TMEM132D: variants seen among roughly 807,000 people sequenced by gnomAD.
TMEM132D encodes the protein mature OL transmembrane protein.
In TMEM132D, 21 loss-of-function variants were observed where a neutral mutation model predicts 62.3. The observed-to-expected ratio is 0.34, with a 90% CI of 0.24 to 0.49. TMEM132D has a LOEUF of 0.49. TMEM132D is among the 20% of genes least tolerant of loss of function. The pLI is 0.99. For missense variants in TMEM132D, 1,346 were observed against 1,402.8 expected, an observed-to-expected ratio of 0.96 and a Z score of 0.65; for synonymous variants, 621 against 575.6, an observed-to-expected ratio of 1.08 and a Z score of -1.13.
intron 3 of TMEM132D, among the ~76,000 whole-genome samples, chr12:129,375,751 A>G (rs1487058073): frequency 6.6e-6 from 1 of 152,164 alleles, no homozygotes; most frequent in Non-Finnish European, 1.5e-5. Flanking sequence ...TATTGATTTC[A>G]TTGGTCTGAG....
At chr12:129,254,955 G>T (rs1376967230) in intron 4 of TMEM132D, among the ~76,000 whole-genome samples, 2 of 152,170 alleles carry the variant, frequency 1.3e-5, no homozygotes, top group Admixed American at 6.5e-5. Context: ...GTAGAGCCTG[G>T]TGGGAGGTGA....
chr12:129,636,808 C>A (rs753673441), intron 2 of TMEM132D, among the ~76,000 whole-genome samples: 1 of 149,284 alleles, frequency 6.7e-6, no homozygotes, highest in Non-Finnish European at 1.5e-5. Flanking sequence ...CTGGTATGAA[C>A]CTGACTGGTA....
rs370315231 is a variant in TMEM132D, at chr12:129,725,172, C to T, written c.80-24474G>A. Among the ~76,000 whole-genome samples, 4 of 152,262 alleles carry T rather than the reference C, an allele frequency of 2.6e-5. No homozygotes were observed. In the East Asian group the frequency reaches 5.8e-4, roughly 22 times the overall value. ...TTAGATATGCATCATTGGCAAGAGA[C>T]GTGGCTTTTCATTTACTGTGGTGTA... On this transcript the variant is annotated intron_variant, in intron 1 of 8. Coordinates refer to ENST00000422113, the MANE Select transcript of TMEM132D (RefSeq NM_133448.3).
intron 5 of TMEM132D, among the ~76,000 whole-genome samples, chr12:129,166,666 C>T (rs534086062): frequency 1.3e-4 from 19 of 148,058 alleles, no homozygotes; most frequent in Non-Finnish European, 2.4e-4. Context: ...CCTGGGACTA[C>T]GCAAGGACAT....
intron 4 of TMEM132D, among the ~76,000 whole-genome samples, chr12:129,316,622 G>A (rs532051630): frequency 2.2e-4 from 33 of 152,150 alleles, no homozygotes; most frequent in African/African-American, 7.0e-4. Context: ...TGTTTTCTGC[G>A]GTTGTTGGGT....
chr12:129,863,714 A>C (rs1410436939), intron 1 of TMEM132D, among the ~76,000 whole-genome samples: 3 of 152,296 alleles, frequency 2.0e-5, no homozygotes, highest in African/African-American at 7.2e-5. Flanking sequence ...GTGTAGTCTT[A>C]TATCCCCACG....
At chr12:129,127,728 C>T (rs1308337392) in intron 5 of TMEM132D, among the ~76,000 whole-genome samples, 1 of 152,070 alleles carries the variant, frequency 6.6e-6, no homozygotes, top group African/African-American at 2.4e-5. Context: ...TAGATTGCAG[C>T]ACCTAAGTTT....
chr12:129,548,261 G>A (rs1429946872), intron 2 of TMEM132D, among the ~76,000 whole-genome samples: 2 of 152,130 alleles, frequency 1.3e-5, no homozygotes, highest in East Asian at 1.9e-4. Context: ...TCCTTCACTC[G>A]GTGCTGGAGG....
At chr12:129,161,770 A>G (rs151004565) in intron 5 of TMEM132D, among the ~76,000 whole-genome samples, 137 of 152,294 alleles carry the variant, frequency 9.0e-4, no homozygotes, top group African/African-American at 3.2e-3. Flanking sequence ...TTCTGAAAAT[A>G]TAGTGTGGGC....
chr12:129,851,055 C>T (rs541140139), intron 1 of TMEM132D, among the ~76,000 whole-genome samples: 39 of 152,216 alleles, frequency 2.6e-4, no homozygotes, highest in Middle Eastern at 3.4e-3. Flanking sequence ...AAAAAGGGAA[C>T]GACATCTCAA....
intron 5 of TMEM132D, among the ~76,000 whole-genome samples, chr12:129,098,482 T>C (rs1056065043): frequency 2.0e-5 from 3 of 152,204 alleles, no homozygotes; most frequent in East Asian, 1.9e-4. Flanking sequence ...TGCCTTTTTT[T>C]CTAGGGTCTC....
intron 3 of TMEM132D, among the ~76,000 whole-genome samples, chr12:129,353,276 C>T (rs1938339225): frequency 6.6e-6 from 1 of 152,034 alleles, no homozygotes; most frequent in African/African-American, 2.4e-5. Flanking sequence ...GTGGAATGCA[C>T]TAAGTCTACT....
At chr12:129,595,237 G>C (rs1043236748) in intron 2 of TMEM132D, among the ~76,000 whole-genome samples, 2 of 152,158 alleles carry the variant, frequency 1.3e-5, no homozygotes, top group African/African-American at 4.8e-5. Context: ...AGTTCCTCAG[G>C]GTAGATTTAT....
intron 1 of TMEM132D, among the ~76,000 whole-genome samples, chr12:129,738,726 G>A (rs1186486844): frequency 1.3e-5 from 2 of 152,092 alleles, no homozygotes; most frequent in East Asian, 1.9e-4. Flanking sequence ...AACAAAAGGC[G>A]GCCCAGGACA....
At chr12:129,196,465 G>T (rs569854978) in intron 5 of TMEM132D, among the ~76,000 whole-genome samples, 22 of 152,234 alleles carry the variant, frequency 1.4e-4, no homozygotes, top group African/African-American at 5.1e-4. Flanking sequence ...GGGTAGCATG[G>T]GGAGGTCATG....
chr12:129,532,042 T>C (rs1876241656), intron 2 of TMEM132D, among the ~76,000 whole-genome samples: 1 of 152,022 alleles, frequency 6.6e-6, no homozygotes, highest in Non-Finnish European at 1.5e-5. Context: ...GGTGACAAAG[T>C]GAGATCCTGC....
intron 5 of TMEM132D, among the ~76,000 whole-genome samples, chr12:129,103,844 G>A (rs918736549): frequency 3.0e-4 from 45 of 152,074 alleles, no homozygotes; most frequent in Admixed American, 1.8e-3. Flanking sequence ...GGGAGGTGAA[G>A]GACCTCTTCA....
At position 129,363,564 on chromosome 12, in the gene TMEM132D, T is replaced by TA. The variant is rs146582943; in HGVS notation, c.1116-25748dup. Among the ~76,000 whole-genome samples the TA allele has an allele frequency of 2.7e-4, 41 of 152,084 alleles. No homozygotes were observed. In the South Asian group the frequency reaches 3.7e-3, roughly 14 times the overall value. On this transcript the variant is annotated intron_variant, in intron 3 of 8. Transcript: ENST00000422113. ...GCTCAGATGTTTGATTCTTTTGTGGTAAAAAAAATAATTCCAATATGTATC... is the reference window on the plus strand; with the variant it reads ...GCTCAGATGTTTGATTCTTTTGTGGTAAAAAAAAATAATTCCAATATGTATC...
At chr12:129,791,606 C>T (rs1267214190) in intron 1 of TMEM132D, among the ~76,000 whole-genome samples, 4 of 152,060 alleles carry the variant, frequency 2.6e-5, no homozygotes, top group Non-Finnish European at 4.4e-5. Flanking sequence ...AGATTCGCTT[C>T]GCCCTCCAAT....
Sources: gnomAD v4.1 joint callset for allele counts (sites outside exome capture counted in the v4.1 genomes callset) on GRCh38, gnomAD v4.1.1 for gene constraint, MANE v1.5 for transcripts, NCBI Gene and HGNC (gene_info 2026-07-23, HGNC 2026-07-21) for gene names.